SEMA4F: variants seen among roughly 807,000 people sequenced by gnomAD.
The protein encoded by SEMA4F is semaphorin-4F.
A neutral mutation model predicts 78.4 loss-of-function variants in SEMA4F; 51 were observed. The ratio of observed to expected loss-of-function variants is 0.65; its 90% CI spans 0.52 to 0.82. The LOEUF (loss-of-function observed/expected upper bound fraction) is 0.82, where lower values mean the gene tolerates loss of function less well. SEMA4F is among the 40% of genes least tolerant of loss of function. SEMA4F has a pLI of 0.00. For missense variants in SEMA4F, 938 were observed against 1,014.4 expected, an observed-to-expected ratio of 0.92 and a Z score of 1.02; for synonymous variants, 418 against 408.7, an observed-to-expected ratio of 1.02 and a Z score of -0.27.
At chr2:74,693,275 A>G in the SEMA4F span, among the ~76,000 whole-genome samples, 2 of 152,240 alleles carry the variant, frequency 1.3e-5, no homozygotes, top group South Asian at 2.1e-4. Context: ...TTAACATCAC[A>G]TCATTTGAAA....
chr2:74,655,610 C>T (rs1684092761), intron 1 of SEMA4F, among the ~76,000 whole-genome samples: 1 of 152,188 alleles, frequency 6.6e-6, no homozygotes, highest in Non-Finnish European at 1.5e-5. Context: ...TTTCAGTTTG[C>T]ACCCAAGCAA....
intron 12 of SEMA4F, among the ~76,000 whole-genome samples, chr2:74,678,163 T>C (rs1295991950): frequency 6.6e-6 from 1 of 152,228 alleles, no homozygotes; most frequent in African/African-American, 2.4e-5. Context: ...TTTATTGTTT[T>C]AATTTCCATT....
intron 5 of SEMA4F, 57 bp downstream of exon 5, chr2:74,662,882 C>A: frequency 7.2e-7 from 1 of 1,386,016 alleles, no homozygotes; most frequent in Non-Finnish European, 1.0e-6. Flanking sequence ...CTTCCCCACC[C>A]TTGCTGTTAG....
the SEMA4F span, among the ~76,000 whole-genome samples, chr2:74,693,297 G>A: frequency 2.7e-4 from 41 of 152,212 alleles, no homozygotes; most frequent in South Asian, 1.7e-3. Context: ...TAATACATTT[G>A]TTTCTTTCTT....
At chr2:74,703,030 G>T in the SEMA4F span, among the ~76,000 whole-genome samples, 1 of 152,192 alleles carries the variant, frequency 6.6e-6, no homozygotes, top group African/African-American at 2.4e-5. Context: ...ATGTTAGGCT[G>T]TTAGGCACTG....
intron 5 of SEMA4F, among the ~76,000 whole-genome samples, chr2:74,670,599 C>T (rs943977781): frequency 6.6e-6 from 1 of 152,218 alleles, no homozygotes; most frequent in Non-Finnish European, 1.5e-5. Context: ...TTGTTTTTCT[C>T]CAACCCTACG....
rs763014931 is a variant in SEMA4F, at chr2:74,679,676, G to T, written c.1780G>T (p.Ala594Ser). ...VLPCSPSSAWASCVWHQPSGV... is the reference protein window; with the variant it reads ...VLPCSPSSAWSSCVWHQPSGV... ...GCCATGTTCTCCAAGCTCAGCATGGGCATCCTGTGTGTGGCACCAGCCCAG... is the reference window on the plus strand; with the variant it reads ...GCCATGTTCTCCAAGCTCAGCATGGTCATCCTGTGTGTGGCACCAGCCCAG... Residue 594 changes from alanine (A) to serine (S), a missense_variant, in exon 14 of 14, where the codon GCA (alanine) becomes TCA (serine). By Grantham distance (99) the Ala-to-Ser change is moderately conservative. Coordinates refer to ENST00000357877, the MANE Select transcript of SEMA4F (RefSeq NM_004263.5). The T allele has an allele frequency of 5.6e-6, 9 of 1,613,850 alleles. No individual in the cohort carries two copies. In the South Asian group the frequency reaches 9.9e-5, roughly 18 times the overall value.
chr2:74,700,557 G>A, the SEMA4F span, among the ~76,000 whole-genome samples: 1 of 152,120 alleles, frequency 6.6e-6, no homozygotes, highest in African/African-American at 2.4e-5. Context: ...CTTAGATAAG[G>A]CAGAGCCTGG....
At chr2:74,700,437 C>G in the SEMA4F span, among the ~76,000 whole-genome samples, 1 of 152,106 alleles carries the variant, frequency 6.6e-6, no homozygotes, top group Non-Finnish European at 1.5e-5. Flanking sequence ...TGCCCCCTAC[C>G]CCATCCATGG....
intron 1 of SEMA4F, chr2:74,655,359 G>T: frequency 6.0e-6 from 2 of 333,124 alleles, no homozygotes; most frequent in East Asian, 8.8e-5. Context: ...GTGATCATTG[G>T]GGCGATTCAC....
chr2:74,673,739 G>A lies in SEMA4F; in HGVS notation c.733G>A (p.Asp245Asn), dbSNP rs772997633. Residue 245 changes from aspartate (D) to asparagine (N), a missense_variant, in exon 7 of 14, where the codon GAC (aspartate) becomes AAC (asparagine). Coordinates refer to ENST00000357877, the MANE Select transcript of SEMA4F (RefSeq NM_004263.5). ...CGAATGGGGGGATGAAGATGGAGACGACGAAATCTACTTCTTCTTTACGGA... is the reference window on the plus strand; with the variant it reads ...CGAATGGGGGGATGAAGATGGAGACAACGAAATCTACTTCTTCTTTACGGA... ...PAEWGDEDGD[D>N]EIYFFFTETS... 7.4e-6 allele frequency: 12 copies of A among 1,614,184 alleles called. No homozygotes were observed. In the Admixed American group the frequency reaches 8.3e-5, roughly 11 times the overall value.
At chr2:74,696,118 G>A in the SEMA4F span, among the ~76,000 whole-genome samples, 1 of 146,608 alleles carries the variant, frequency 6.8e-6, no homozygotes, top group Admixed American at 6.8e-5. Flanking sequence ...TTTTTGCAAA[G>A]TTAAAATATT....
downstream of SEMA4F, among the ~76,000 whole-genome samples, chr2:74,684,635 G>A (rs1275022573): frequency 1.3e-5 from 2 of 152,144 alleles, no homozygotes; most frequent in East Asian, 3.9e-4. Context: ...TGATAGCCTT[G>A]TGCTCAGACC....
chr2:74,660,963 A>G (rs1186438220), intron 4 of SEMA4F, among the ~76,000 whole-genome samples: 3 of 152,202 alleles, frequency 2.0e-5, no homozygotes, highest in African/African-American at 7.2e-5. Flanking sequence ...GAAAGCTACT[A>G]AAGGTGGATT....
intron 12 of SEMA4F, among the ~76,000 whole-genome samples, chr2:74,677,027 G>A (rs1365886068): frequency 3.3e-5 from 5 of 151,908 alleles, no homozygotes; most frequent in African/African-American, 1.2e-4. Context: ...TCAGCCTCCC[G>A]AATAGCTGGG....
chr2:74,695,718 C>T, the SEMA4F span, among the ~76,000 whole-genome samples: 2 of 152,214 alleles, frequency 1.3e-5, no homozygotes, highest in East Asian at 3.9e-4. Context: ...CTGAATAAAG[C>T]CTAAGAGAGA....
At chr2:74,687,208 C>T (rs549207276), downstream of SEMA4F, among the ~76,000 whole-genome samples, 39 of 152,186 alleles carry the variant, frequency 2.6e-4, no homozygotes, top group Admixed American at 1.5e-3. Flanking sequence ...TCTAGATACA[C>T]CAAGCTTGTT....
the SEMA4F span, among the ~76,000 whole-genome samples, chr2:74,694,039 ACT>A: frequency 6.6e-6 from 1 of 152,086 alleles, no homozygotes; most frequent in Non-Finnish European, 1.5e-5. Context: ...TAACAGATAA[ACT>A]CTGATAGACT....
rs759973466 is a variant in SEMA4F at position 74,674,616 on chromosome 2, T to A, written c.941T>A (p.Val314Glu). Reference protein sequence around the residue: ...RASSVLQDVAVLRPELGAGTP... With the variant: ...RASSVLQDVAELRPELGAGTP... Reference sequence around the variant, plus strand: ...TCCAGTGTCCTGCAGGATGTTGCTGTGCTTCGACCTGAGCTTGGGGCAGGG... The same window carrying A: ...TCCAGTGTCCTGCAGGATGTTGCTGAGCTTCGACCTGAGCTTGGGGCAGGG... The change falls in exon 8 of 14, where the codon GTG becomes GAG. Residue 314 changes from valine (V) to glutamate (E), a missense_variant. By Grantham distance (121) the Val-to-Glu change is moderately radical. Transcript: ENST00000357877. 6.2e-6 allele frequency: 10 copies of A among 1,614,126 alleles called. No individual in the cohort carries two copies. Among genetic ancestry groups the A allele is most frequent in the Non-Finnish European group, 8.5e-6 (10 of 1,180,000 alleles).
Sources: gnomAD v4.1 joint callset for allele counts (sites outside exome capture counted in the v4.1 genomes callset) on GRCh38, gnomAD v4.1.1 for gene constraint, MANE v1.5 for transcripts, NCBI Gene and HGNC (gene_info 2026-07-23, HGNC 2026-07-21) for gene names.